The following PRPF3 variants were observed in gnomAD, a reference collection of about 807,000 sequenced individuals.
PRPF3 encodes pre-mRNA processing factor 3.
Under a neutral mutation model 89.2 loss-of-function variants are expected in PRPF3, and 3 were observed. The observed-to-expected ratio is 0.03, with a 90% CI of 0.02 to 0.09. The LOEUF (loss-of-function observed/expected upper bound fraction) is 0.09. PRPF3 is among the 10% of genes least tolerant of loss of function. PRPF3 has a pLI of 1.00. For missense variants in PRPF3, 463 were observed against 828.8 expected, an observed-to-expected ratio of 0.56 and a Z score of 5.42; for synonymous variants, 270 against 289.1, an observed-to-expected ratio of 0.93 and a Z score of 0.67.
rs1290412486 is a variant in PRPF3 at position 150,353,056 on chromosome 1, C to T, written c.*77C>T. The T allele has an allele frequency of 2.5e-6, 4 of 1,581,086 alleles. No individual in the cohort carries two copies. The African/African-American group carries it at 4.0e-5, about 16-fold the overall frequency. On this transcript the variant is annotated 3_prime_UTR_variant, in exon 16 of 16. Coordinates refer to ENST00000324862, the MANE Select transcript of PRPF3 (RefSeq NM_004698.4). ...CTCACTTATTCTATTTCCCAACCCC[C>T]TCCCACTTGTTTGTGTGATCTCAGA...
At position 150,346,501 on chromosome 1, in the gene PRPF3, G is replaced by C. The variant is rs1553872984; in HGVS notation, c.1843+10G>C. On this transcript the variant is annotated intron_variant, in intron 14 of 15. Coordinates refer to ENST00000324862, the MANE Select transcript of PRPF3 (RefSeq NM_004698.4). ...AACACAAAGGGAGATGGTGAATGGG[G>C]GTTAGAGGGGATTAAGGGGGAGAGC... 6.2e-7 allele frequency: 1 copy of C among 1,604,696 alleles called. No individual in the cohort carries two copies. Among genetic ancestry groups the C allele is most frequent in the South Asian group, 1.1e-5 (1 of 90,840 alleles).
In PRPF3 at chr1:150,326,254, T is replaced by TA. The variant is rs1655694934; in HGVS notation, c.276+374dup. On this transcript the variant is annotated intron_variant, in intron 3 of 15. Coordinates refer to ENST00000324862, the MANE Select transcript of PRPF3 (RefSeq NM_004698.4). ...TTGTTTTAGAATGTGACTCCACTGGTACCTGAGCTGTACACCTCATTGTTG... is the reference window on the plus strand; with the variant it reads ...TTGTTTTAGAATGTGACTCCACTGGTAACCTGAGCTGTACACCTCATTGTTG... Among the ~76,000 whole-genome samples, 8 of 152,338 alleles carry TA rather than the reference T, an allele frequency of 5.3e-5. 1 individual carries two copies. The highest frequency in any genetic ancestry group is 1.9e-4 in the African/African-American group (8 of 41,584).
chr1:150,351,287 C>T (rs1658899877), intron 15 of PRPF3, among the ~76,000 whole-genome samples: 1 of 151,968 alleles, frequency 6.6e-6, no homozygotes, highest in South Asian at 2.1e-4. Flanking sequence ...TCTTCCTATT[C>T]GCTGATCTCT....
intron 14 of PRPF3, among the ~76,000 whole-genome samples, chr1:150,348,459 C>CTTTTTTTTTTT (rs1553873583): frequency 8.6e-5 from 3 of 34,826 alleles, no homozygotes; most frequent in Non-Finnish European, 1.1e-4. Context: ...TCTACACGTG[C>CTTTTTTTTTTT]ATTTTTTTTT....
intron 1 of PRPF3, among the ~76,000 whole-genome samples, chr1:150,323,795 G>C (rs1251846197): frequency 3.7e-5 from 1 of 27,004 alleles, no homozygotes; most frequent in Non-Finnish European, 8.1e-5. Context: ...TTTTTTTTTT[G>C]AGACGGAGTC....
chr1:150,342,030 G>C (rs182267372), intron 9 of PRPF3, among the ~76,000 whole-genome samples: 27 of 151,994 alleles, frequency 1.8e-4, no homozygotes, highest in Admixed American at 1.6e-3. Context: ...CATTTGCCAG[G>C]TATCATTGAA....
chr1:150,328,391 T>C lies in PRPF3; in HGVS notation c.348T>C (p.Phe116=). 9.3e-6 allele frequency: 15 copies of C among 1,613,970 alleles called. No individual in the cohort carries two copies. Among genetic ancestry groups the C allele is most frequent in the Non-Finnish European group, 1.3e-5 (15 of 1,180,002 alleles). ...TAAAGAAGCGACGAATACCCCGTTT[T>C]GAGGAGGTGGAAGAAGAGCCAGAGG... ...SGVKKRRIPR[F]EEVEEEPEVI... Residue 116 remains phenylalanine (F), a synonymous_variant, in exon 4 of 16, where the codon TTT becomes TTC. Coordinates refer to ENST00000324862, the MANE Select transcript of PRPF3 (RefSeq NM_004698.4).
In PRPF3 at chr1:150,349,182, T is replaced by C. The variant is rs781962153; in HGVS notation, c.1869T>C (p.Ala623=). The C allele has an allele frequency of 5.1e-5, 82 of 1,613,802 alleles. No homozygotes were observed. The highest frequency in any genetic ancestry group is 1.7e-4 in the Middle Eastern group (1 of 6,054). The change falls in exon 15 of 16, where the codon GCT becomes GCC. Residue 623 remains alanine, a synonymous_variant. Coordinates refer to ENST00000324862, the MANE Select transcript of PRPF3 (RefSeq NM_004698.4). ...GDDDEESDEE[A]VKKTNKCVLV... is the part of the protein sequence containing the mutation. ...ATGATGAGGAGTCTGATGAGGAAGC[T>C]GTGAAGAAAACCAACAAATGTGTAC...
At chr1:150,348,753 A>G (rs1229194931) in intron 14 of PRPF3, 1 of 259,064 alleles carries the variant, frequency 3.9e-6, no homozygotes, top group Non-Finnish European at 7.5e-6. Flanking sequence ...GTGAGCCACC[A>G]CGCTGGCCGA....
At chr1:150,333,903 A>T (rs1290191692) in intron 6 of PRPF3, among the ~76,000 whole-genome samples, 5 of 152,172 alleles carry the variant, frequency 3.3e-5, no homozygotes, top group Non-Finnish European at 2.9e-5. Context: ...CATGAGTGAC[A>T]TAAGAATTCA....
intron 4 of PRPF3, among the ~76,000 whole-genome samples, chr1:150,331,252 T>A (rs1656338626): frequency 2.0e-5 from 3 of 152,102 alleles, no homozygotes; most frequent in Non-Finnish European, 2.9e-5. Flanking sequence ...TTAGCCAGGA[T>A]GGTCTCGATC....
chr1:150,349,017 T>TA (rs1553873741), intron 14 of PRPF3, 140 bp from the exon 15 acceptor site: 1 of 767,020 alleles, frequency 1.3e-6, no homozygotes, highest in Non-Finnish European at 2.3e-6. Flanking sequence ...TTGGGGAAAA[T>TA]AAAGAGCAAC....
chr1:150,333,300 C>G, intron 6 of PRPF3, 101 bp downstream of exon 6: 1 of 1,316,308 alleles, frequency 7.6e-7, no homozygotes, highest in Non-Finnish European at 1.1e-6. Flanking sequence ...TGCCTCAGGC[C>G]TGTAATCGTA....
At chr1:150,337,762 T>TCAAAA (rs1553868450) in intron 7 of PRPF3, among the ~76,000 whole-genome samples, 1 of 110,458 alleles carries the variant, frequency 9.1e-6, no homozygotes, top group Admixed American at 1.1e-4. Flanking sequence ...AGACTCCGTC[T>TCAAAA]ACAAAAAAAA....
rs186542296 is a variant in PRPF3 at position 150,326,513 on chromosome 1, T to C, written c.276+632T>C. 2.8e-3 allele frequency among the ~76,000 whole-genome samples: 420 copies of C among 152,170 alleles called. 4 individuals carry two copies. The highest frequency in any genetic ancestry group is 9.4e-3 in the African/African-American group (391 of 41,532). ...TCAGTATTAGCAGTATCAAGTAGCCTATTTTTCTACTCATTTCCCAGTATC... is the reference window on the plus strand; with the variant it reads ...TCAGTATTAGCAGTATCAAGTAGCCCATTTTTCTACTCATTTCCCAGTATC... On this transcript the variant is annotated intron_variant, in intron 3 of 15. Coordinates refer to ENST00000324862, the MANE Select transcript of PRPF3 (RefSeq NM_004698.4).
intron 12 of PRPF3, among the ~76,000 whole-genome samples, chr1:150,344,760 C>T (rs1325167236): frequency 1.0e-5 from 1 of 97,148 alleles, no homozygotes; most frequent in African/African-American, 4.0e-5. Flanking sequence ...CCTCTCAAGT[C>T]TTCTTTTTTT....
At chr1:150,328,693 G>A (rs1398976578) in intron 4 of PRPF3, among the ~76,000 whole-genome samples, 2 of 150,416 alleles carry the variant, frequency 1.3e-5, no homozygotes, top group Non-Finnish European at 3.0e-5. Flanking sequence ...GCTGGGATTA[G>A]AGGCACCCAC....
At chr1:150,325,663 A>C in intron 2 of PRPF3, 88 bp from the exon 3 acceptor site, 1 of 1,529,730 alleles carries the variant, frequency 6.5e-7, no homozygotes, top group Non-Finnish European at 9.0e-7. Flanking sequence ...CTGGGAATAA[A>C]ATTCCAGTGT....
intron 5 of PRPF3, 50 bp downstream of exon 5, chr1:150,332,817 C>G (rs781974124): frequency 6.3e-7 from 1 of 1,589,388 alleles, no homozygotes; most frequent in African/African-American, 1.3e-5. Flanking sequence ...CACAGAATTT[C>G]TTGCCATCCA....
Sources: allele counts gnomAD v4.1 joint callset (sites outside exome capture counted in the v4.1 genomes callset), GRCh38; gene constraint gnomAD v4.1.1; transcripts MANE v1.5; gene names NCBI Gene and HGNC (gene_info 2026-07-23, HGNC 2026-07-21).